The following OPHN1 variants were observed in gnomAD, a reference collection of about 807,000 sequenced individuals.
The protein encoded by OPHN1 is oligophrenin-1.
In OPHN1, 11 loss-of-function variants were observed where a neutral mutation model predicts 60.7. The ratio of observed to expected loss-of-function variants is 0.18; its 90% CI spans 0.11 to 0.30. The LOEUF is 0.30. Ranked by LOEUF, OPHN1 falls within the 10% of genes least tolerant of loss-of-function variation. The pLI is 1.00. For synonymous variants in OPHN1, 226 were observed against 222.6 expected (o/e 1.02, Z -0.14); for missense variants, 449 against 611.0 (o/e 0.73, Z 2.80).
intron 6 of OPHN1, among the ~76,000 whole-genome samples, chrX:68,233,741 T>C (rs996459244): frequency 2.7e-5 from 3 of 111,691 alleles, no homozygotes; most frequent in Non-Finnish European, 5.6e-5. Flanking sequence ...TATATTTTAA[T>C]GACCACGTCA....
rs761967759 is a variant in OPHN1 at position 68,270,577 on chromosome X, T to A, written c.384+4161A>T. ...ACACAGGAAGGGGAACATCACACAC[T>A]GGGGCCTGTTGTGGGGTGGGGGGAG... is the stretch of plus-strand genomic sequence containing the variant. On this transcript the variant is annotated intron_variant, in intron 5 of 24. Coordinates refer to ENST00000355520, the MANE Select transcript of OPHN1 (RefSeq NM_002547.3). Among the ~76,000 whole-genome samples the A allele has an allele frequency of 6.1e-5, 4 of 66,054 alleles. No individual in the cohort carries two copies. The South Asian group carries it at 4.2e-3, about 70-fold the overall frequency. 57.4% of individuals were successfully genotyped at this position (66,054 alleles called of 115,157 possible). A position where few individuals can be genotyped will look rare whatever the true frequency, so the allele number is the denominator to read the frequency against.
chrX:68,406,337 C>G (rs887984620), intron 2 of OPHN1, among the ~76,000 whole-genome samples: 2 of 111,539 alleles, frequency 1.8e-5, no homozygotes, highest in Non-Finnish European at 3.8e-5. Flanking sequence ...TGAGGCCAGG[C>G]ACGGTGGCTC....
Position 68,220,419 on chromosome X carries a change from T to C in OPHN1, c.487-6447A>G, listed in dbSNP as rs944456383. On this transcript the variant is annotated intron_variant, in intron 6 of 24. Coordinates refer to ENST00000355520, the MANE Select transcript of OPHN1 (RefSeq NM_002547.3). ...CAATAGAAAAAGAGGGAATCCTCCC[T>C]AACTCATTTCATGAGGCCAGCATCA... Among the ~76,000 whole-genome samples, 59 of 111,370 alleles carry C rather than the reference T, an allele frequency of 5.3e-4. No individual in the cohort carries two copies. In the East Asian group the frequency reaches 0.013, roughly 24 times the overall value.
chrX:68,396,398 CAAAAAAAAAAAAA>C (rs57880548), intron 2 of OPHN1, among the ~76,000 whole-genome samples: 2 of 39,287 alleles, frequency 5.1e-5, no homozygotes, highest in African/African-American at 1.6e-4. Flanking sequence ...CCACTGCTCT[CAAAAAAAAAAAAA>C]AAAAAAAAAA....
chrX:68,056,349 G>A (rs890709618), intron 21 of OPHN1, among the ~76,000 whole-genome samples: 8 of 111,466 alleles, frequency 7.2e-5, no homozygotes, highest in Non-Finnish European at 1.3e-4. Flanking sequence ...GTAAATGTTC[G>A]TGAAGTTCTT....
chrX:68,111,284 G>A (rs1415629543), intron 18 of OPHN1, among the ~76,000 whole-genome samples: 1 of 111,631 alleles, frequency 9.0e-6, no homozygotes, highest in Non-Finnish European at 1.9e-5. Context: ...AAATCTTCTG[G>A]CCAGGAAGCA....
At chrX:68,373,982 A>C (rs773621994) in intron 2 of OPHN1, among the ~76,000 whole-genome samples, 1 of 111,863 alleles carries the variant, frequency 8.9e-6, no homozygotes, top group East Asian at 2.8e-4. Context: ...CTAAATATAA[A>C]ACCTAAAATG....
At chrX:68,113,362 T>C (rs2077113080) in intron 16 of OPHN1, 123 bp from the exon 17 acceptor site, 1 of 550,708 alleles carries the variant, frequency 1.8e-6, no homozygotes, top group African/African-American at 2.3e-5. Context: ...TATATACATT[T>C]TTCTCTTCAC....
rs1424729367 is a variant in OPHN1 at position 68,422,591 on chromosome X, GAAAGAAAAAGA to G, written c.154+10265_154+10275del. Among the ~76,000 whole-genome samples the G allele has an allele frequency of 7.6e-5, 6 of 78,781 alleles. No individual in the cohort carries two copies. In the Admixed American group the frequency reaches 9.4e-4, roughly 12 times the overall value. The allele number at this position is 78,781 out of a possible 115,157, so 68.4% of individuals were successfully genotyped here. On this transcript the variant is annotated intron_variant, in intron 2 of 24. Transcript: ENST00000355520. ...GGAAAGAAAGAAGGGAGGGAAGAAA[GAAAGAAAAAGA>G]AAAGAAAAAGAGAGAGAGAAAGAAA...
chrX:68,174,284 C>T (rs1202224456), intron 15 of OPHN1, among the ~76,000 whole-genome samples: 1 of 110,545 alleles, frequency 9.0e-6, no homozygotes, highest in Non-Finnish European at 1.9e-5. Context: ...AATGAGAGGG[C>T]TGTAACAAAA....
At chrX:68,124,316 AC>A (rs1212168869) in intron 15 of OPHN1, among the ~76,000 whole-genome samples, 1 of 110,884 alleles carries the variant, frequency 9.0e-6, no homozygotes, top group Non-Finnish European at 1.9e-5. Context: ...GATCATTATG[AC>A]CCCATAACGA....
intron 12 of OPHN1, among the ~76,000 whole-genome samples, chrX:68,195,010 G>GA (rs1569239673): frequency 0.011 from 566 of 52,448 alleles, 17 homozygotes; most frequent in African/African-American, 0.056. Flanking sequence ...AAGAAAGGAA[G>GA]GAAGGAAGGA....
chrX:68,399,605 T>C (rs1013425790), intron 2 of OPHN1, among the ~76,000 whole-genome samples: 1 of 109,835 alleles, frequency 9.1e-6, no homozygotes, highest in African/African-American at 3.3e-5. Context: ...GAGGTAGAGG[T>C]TGCAGTGAGC....
At chrX:68,205,374 G>A (rs1350405336) in intron 10 of OPHN1, among the ~76,000 whole-genome samples, 2 of 111,076 alleles carry the variant, frequency 1.8e-5, no homozygotes, top group African/African-American at 6.6e-5. Context: ...CTTGAACCCG[G>A]GAGGTGGAGG....
intron 2 of OPHN1, among the ~76,000 whole-genome samples, chrX:68,301,283 T>C (rs2078118740): frequency 9.2e-6 from 1 of 108,829 alleles, no homozygotes; most frequent in Non-Finnish European, 1.9e-5. Context: ...CCATCTTTAC[T>C]AAAAATACAA....
chrX:68,104,741 T>C (rs746095440), intron 18 of OPHN1, among the ~76,000 whole-genome samples: 7 of 111,914 alleles, frequency 6.3e-5, no homozygotes, highest in Non-Finnish European at 9.4e-5. Flanking sequence ...ATTCAGGACA[T>C]AGGCATGCGC....
chrX:68,225,343 T>A (rs1287365904), intron 6 of OPHN1, among the ~76,000 whole-genome samples: 1 of 111,899 alleles, frequency 8.9e-6, no homozygotes, highest in Non-Finnish European at 1.9e-5. Flanking sequence ...CAGACTTAAA[T>A]GTCCCTGTCT....
chrX:68,363,158 G>A lies in OPHN1; in HGVS notation c.155-64062C>T, dbSNP rs755034450. On this transcript the variant is annotated intron_variant, in intron 2 of 24. Transcript: ENST00000355520. ...AGCTAGTCAGGTGGCTGAGGCATGA[G>A]GATCGCTTGAACTGAGAGGCAGAGG... Among the ~76,000 whole-genome samples, 3 of 109,829 alleles carry A rather than the reference G, an allele frequency of 2.7e-5. No individual in the cohort carries two copies. The South Asian group carries it at 1.2e-3, about 43-fold the overall frequency.
At chrX:68,247,564 A>G (rs1480766341) in intron 5 of OPHN1, among the ~76,000 whole-genome samples, 1 of 111,292 alleles carries the variant, frequency 9.0e-6, no homozygotes, top group Non-Finnish European at 1.9e-5. Flanking sequence ...AGTTGTAAAA[A>G]GAAATGTTGA....
Sources: allele counts gnomAD v4.1 joint callset (sites outside exome capture counted in the v4.1 genomes callset), GRCh38; gene constraint gnomAD v4.1.1; transcripts MANE v1.5; gene names NCBI Gene and HGNC (gene_info 2026-07-23, HGNC 2026-07-21).